Variants in NCKAP5 observed in about 807,000 individuals in gnomAD.
The protein encoded by NCKAP5 is nck-associated protein 5.
A neutral mutation model predicts 167.0 loss-of-function variants in NCKAP5; 92 were observed. The ratio of observed to expected loss-of-function variants is 0.55; its 90% CI spans 0.47 to 0.66. The LOEUF (loss-of-function observed/expected upper bound fraction) is 0.66. NCKAP5 is among the 30% of genes least tolerant of loss of function. The pLI is 0.00. For missense variants in NCKAP5, 2,378 were observed against 2,315.0 expected, an observed-to-expected ratio of 1.03 and a Z score of -0.56; for synonymous variants, 891 against 877.4, an observed-to-expected ratio of 1.02 and a Z score of -0.27.
intron 3 of NCKAP5, among the ~76,000 whole-genome samples, chr2:133,504,050 T>C (rs904466047): frequency 2.0e-5 from 3 of 152,152 alleles, no homozygotes; most frequent in African/African-American, 7.2e-5. Flanking sequence ...CTCTGTGATC[T>C]GTTTTCCATT....
chr2:133,344,605 C>T (rs147760624), intron 3 of NCKAP5, among the ~76,000 whole-genome samples: 12 of 151,912 alleles, frequency 7.9e-5, no homozygotes, highest in East Asian at 2.0e-4. Flanking sequence ...AATCGCTGGA[C>T]GCAGAGTGGT....
chr2:133,431,916 T>C (rs1180775082), intron 3 of NCKAP5: 1 of 152,214 alleles, frequency 6.6e-6, no homozygotes, highest in Non-Finnish European at 1.5e-5. Context: ...GGGTGGTTAC[T>C]GATTTATAAC....
At chr2:133,109,439 T>C (rs2081834551) in intron 6 of NCKAP5, among the ~76,000 whole-genome samples, 1 of 152,224 alleles carries the variant, frequency 6.6e-6, no homozygotes, top group Non-Finnish European at 1.5e-5. Context: ...GAGAATTATA[T>C]TTCCCATGTG....
chr2:133,345,236 C>G (rs1005161499), intron 3 of NCKAP5, among the ~76,000 whole-genome samples: 17 of 152,118 alleles, frequency 1.1e-4, no homozygotes, highest in Non-Finnish European at 2.5e-4. Flanking sequence ...GTGAGGAGCG[C>G]CTTTGCCCAG....
At chr2:133,546,669 C>T (rs562640419) in intron 2 of NCKAP5, among the ~76,000 whole-genome samples, 1 of 151,856 alleles carries the variant, frequency 6.6e-6, no homozygotes, top group Non-Finnish European at 1.5e-5. Flanking sequence ...AAAAACAAAA[C>T]AAAACAAAAC....
intron 6 of NCKAP5, among the ~76,000 whole-genome samples, chr2:133,012,222 TC>T (rs1343221277): frequency 6.6e-6 from 1 of 152,108 alleles, no homozygotes; most frequent in Non-Finnish European, 1.5e-5. Context: ...AATCTGACTT[TC>T]CCCTGATCAC....
chr2:132,868,956 G>T lies in NCKAP5; in HGVS notation c.667C>A (p.Gln223Lys). 6.5e-7 allele frequency: 1 copy of T among 1,547,220 alleles called. No homozygotes were observed. The change falls in exon 10 of 20, where the codon CAA (glutamine) becomes AAA (lysine). Residue 223 changes from glutamine to lysine, a missense_variant. Physicochemically the swap from Gln to Lys is moderately conservative, Grantham distance 53 (BLOSUM62 1). This residue lies in a region of NCKAP5 where 1,049 missense variants were observed against 1,023.4 expected (regional missense o/e 1.02). Transcript: ENST00000409261. ...CCTACCTTTTGAGTAAGCAGAGCTT[G>T]AACAACTTGGTTGGCTACCTTTAAA... ...CLDEVANQVV[Q>K]ALLTQKDLRE... is the part of the protein sequence containing the mutation.
rs569939890 is a variant in NCKAP5, at chr2:133,506,348, G to A, written c.69+11110C>T. 7.9e-4 allele frequency among the ~76,000 whole-genome samples: 121 copies of A among 152,332 alleles called. 1 individual carries two copies. The highest frequency in any genetic ancestry group is 2.6e-3 in the African/African-American group (110 of 41,590). On this transcript the variant is annotated intron_variant, in intron 3 of 19. Transcript: ENST00000409261. The stretch of plus-strand genomic sequence containing the variant: ...GCCCAGAAATGTGAGAAGAGATGGT[G>A]GCAGAGTATATTATTTTATAGAGTC...
intron 3 of NCKAP5, among the ~76,000 whole-genome samples, chr2:133,377,583 AGC>A (rs1250389589): frequency 1.4e-3 from 207 of 152,350 alleles, no homozygotes; most frequent in African/African-American, 4.8e-3. Flanking sequence ...TCTAAGGTAG[AGC>A]AATTTGAAGT....
intron 4 of NCKAP5, among the ~76,000 whole-genome samples, chr2:133,242,901 T>C (rs2087788297): frequency 6.6e-6 from 1 of 152,108 alleles, no homozygotes; most frequent in African/African-American, 2.4e-5. Flanking sequence ...CATGATTAGC[T>C]CAAGCGTTAG....
intron 16 of NCKAP5, among the ~76,000 whole-genome samples, chr2:132,750,952 C>T (rs1263691970): frequency 6.6e-6 from 1 of 152,194 alleles, no homozygotes; most frequent in Non-Finnish European, 1.5e-5. Context: ...ACAGAACATG[C>T]TAGGGCTTCA....
chr2:132,980,496 A>G (rs1437966713), intron 7 of NCKAP5, among the ~76,000 whole-genome samples: 1 of 152,166 alleles, frequency 6.6e-6, no homozygotes, highest in Non-Finnish European at 1.5e-5. Context: ...GAAAGTAATT[A>G]ATGCCATGCT....
intron 2 of NCKAP5, among the ~76,000 whole-genome samples, chr2:133,533,279 G>A (rs2104838999): frequency 6.6e-6 from 1 of 152,288 alleles, no homozygotes; most frequent in South Asian, 2.1e-4. Context: ...CAGAAAGGAA[G>A]GTTCACTTTA....
intron 3 of NCKAP5, among the ~76,000 whole-genome samples, chr2:133,452,380 C>G (rs916681366): frequency 6.6e-6 from 1 of 152,128 alleles, no homozygotes; most frequent in Non-Finnish European, 1.5e-5. Flanking sequence ...CAGGGGAAGC[C>G]CTGATTAAAT....
chr2:132,853,485 A>G (rs16842532), intron 11 of NCKAP5, among the ~76,000 whole-genome samples: 5,977 of 152,262 alleles, frequency 0.039, 290 homozygotes, highest in East Asian at 0.13. Flanking sequence ...ACATAGTAAT[A>G]CAGATTGACA....
At chr2:133,603,897 A>T in the NCKAP5 span, among the ~76,000 whole-genome samples, 1 of 152,224 alleles carries the variant, frequency 6.6e-6, no homozygotes, top group Non-Finnish European at 1.5e-5. Flanking sequence ...TCTCTTAGCA[A>T]CCAGGCAGCA....
intron 11 of NCKAP5, among the ~76,000 whole-genome samples, chr2:132,841,131 A>C (rs1024490003): frequency 2.6e-5 from 4 of 152,178 alleles, no homozygotes; most frequent in African/African-American, 9.7e-5. Context: ...ATAGCTTTAT[A>C]GTTCAGTCTG....
intron 5 of NCKAP5, among the ~76,000 whole-genome samples, chr2:133,203,192 A>G (rs997729576): frequency 7.9e-5 from 12 of 152,186 alleles, no homozygotes; most frequent in Non-Finnish European, 1.5e-4. Context: ...CATATACACC[A>G]TGGAATACTA....
At chr2:133,528,540 T>C (rs913740381) in intron 2 of NCKAP5, among the ~76,000 whole-genome samples, 8 of 152,194 alleles carry the variant, frequency 5.3e-5, no homozygotes, top group African/African-American at 1.7e-4. Flanking sequence ...TTCTGGCCTG[T>C]GGGTTGTACT....
Sources: allele counts gnomAD v4.1 joint callset (sites outside exome capture counted in the v4.1 genomes callset), GRCh38; gene constraint gnomAD v4.1.1; regional missense constraint gnomAD v4.1.1; transcripts MANE v1.5; gene names NCBI Gene and HGNC (gene_info 2026-07-23, HGNC 2026-07-21).